The following GGACT variants were observed in gnomAD, a reference collection of about 807,000 sequenced individuals.
The protein encoded by GGACT is gamma-glutamylamine cyclotransferase.
For synonymous variants in GGACT, 118 were observed against 115.3 expected, an observed-to-expected ratio of 1.02 and a Z score of -0.15; for missense variants, 241 against 233.2, an observed-to-expected ratio of 1.03 and a Z score of -0.22.
At chr13:100,572,740 T>C (rs76964883) in intron 2 of GGACT, among the ~76,000 whole-genome samples, 39 of 152,216 alleles carry the variant, frequency 2.6e-4, no homozygotes, top group Non-Finnish European at 3.4e-4. Flanking sequence ...ATAAAAAACA[T>C]TTTTCAGATG....
rs1221393731 is a variant in GGACT, at chr13:100,534,289, C to T, written c.-10-1688G>A. ...ACACAAGGCTAGCCAGATACGTGCGCCCTGTGGGCCTGGCCATGTGATAGC... is the reference window on the plus strand; with the variant it reads ...ACACAAGGCTAGCCAGATACGTGCGTCCTGTGGGCCTGGCCATGTGATAGC... On this transcript the variant is annotated intron_variant, in intron 2 of 2. Coordinates refer to ENST00000683975, the MANE Select transcript of GGACT (RefSeq NM_001195087.2). The surrounding 1 kb of genome is among the most constrained non-coding windows in gnomAD (Gnocchi z 4.9). Among the ~76,000 whole-genome samples the T allele has an allele frequency of 6.6e-6, 1 of 152,202 alleles. No individual in the cohort carries two copies. Among genetic ancestry groups the T allele is most frequent in the African/African-American group, 2.4e-5 (1 of 41,448 alleles).
intron 2 of GGACT, among the ~76,000 whole-genome samples, chr13:100,577,034 T>C (rs1227849850): frequency 6.6e-6 from 1 of 152,206 alleles, no homozygotes; most frequent in South Asian, 2.1e-4. Context: ...TACAAAATTA[T>C]TTTTAAAAGA....
chr13:100,586,524 C>A (rs1027299111), intron 1 of GGACT, among the ~76,000 whole-genome samples: 2 of 150,502 alleles, frequency 1.3e-5, no homozygotes, highest in Admixed American at 1.3e-4. Context: ...AGCCTCAGCA[C>A]GCCAGTTGTT....
chr13:100,574,613 T>C (rs1284120945), intron 2 of GGACT, among the ~76,000 whole-genome samples: 1 of 152,008 alleles, frequency 6.6e-6, no homozygotes, highest in African/African-American at 2.4e-5. Context: ...TTCTCACTTA[T>C]AAATGGGAGC....
chr13:100,544,094 T>C (rs1016491763), intron 2 of GGACT, among the ~76,000 whole-genome samples: 1 of 152,234 alleles, frequency 6.6e-6, no homozygotes, highest in African/African-American at 2.4e-5. Context: ...GTTGTGCACG[T>C]TTCCCCTAGA....
chr13:100,538,859 A>C (rs1566529237), intron 2 of GGACT: 1 of 152,232 alleles, frequency 6.6e-6, no homozygotes, highest in Non-Finnish European at 1.5e-5. Flanking sequence ...TGAACATGGG[A>C]TGTCTTTCCA....
At chr13:100,575,873 C>G (rs541927997) in intron 2 of GGACT, among the ~76,000 whole-genome samples, 1 of 152,142 alleles carries the variant, frequency 6.6e-6, no homozygotes, top group South Asian at 2.1e-4. Flanking sequence ...ATTCATCGAC[C>G]GATCCAATCT....
chr13:100,555,942 G>C (rs1424070008), intron 2 of GGACT, among the ~76,000 whole-genome samples: 1 of 152,146 alleles, frequency 6.6e-6, no homozygotes, highest in African/African-American at 2.4e-5. Context: ...GCAAATTTGA[G>C]ATAAAAATTC....
chr13:100,579,913 C>G (rs955460715), intron 2 of GGACT: 1 of 152,126 alleles, frequency 6.6e-6, no homozygotes, highest in Non-Finnish European at 1.5e-5. Flanking sequence ...CCCTTTCTGC[C>G]CCTACAGAGT....
At chr13:100,561,758 T>C (rs1319769175) in intron 2 of GGACT, among the ~76,000 whole-genome samples, 2 of 152,176 alleles carry the variant, frequency 1.3e-5, no homozygotes, top group Non-Finnish European at 2.9e-5. Context: ...GAGGTGCTGC[T>C]CAGTGGGGGG....
In GGACT at chr13:100,532,144, G is replaced by C. The variant is rs2088402505; in HGVS notation, c.448C>G (p.Arg150Gly). Residue 150 changes from arginine to glycine, a missense_variant, in exon 3 of 3, where the codon CGG becomes GGG. Transcript: ENST00000683975. Reference protein sequence around the residue: ...EGPHGLRYNPRENR With the variant: ...EGPHGLRYNPGENR Reference sequence around the variant, plus strand: ...GCCCGTCCCCCTTATCTGTTCTCCCGGGGGTTGTAGCGCAGCCCGTGCGGC... The same window carrying C: ...GCCCGTCCCCCTTATCTGTTCTCCCCGGGGTTGTAGCGCAGCCCGTGCGGC... 1.0e-5 allele frequency: 15 copies of C among 1,449,750 alleles called. 1 individual carries two copies. The highest frequency in any genetic ancestry group is 1.4e-5 in the African/African-American group (1 of 69,722). 89.8% of individuals were successfully genotyped at this position (1,449,750 alleles called of 1,614,324 possible). A position where few individuals can be genotyped will look rare whatever the true frequency, so the allele number is the denominator to read the frequency against.
intron 2 of GGACT, among the ~76,000 whole-genome samples, chr13:100,580,670 G>A (rs1875387460): frequency 6.6e-6 from 1 of 152,210 alleles, no homozygotes; most frequent in African/African-American, 2.4e-5. Context: ...CCTTGGCTTA[G>A]GCAGAATAAA....
chr13:100,539,897 C>G lies in GGACT; in HGVS notation c.-10-7296G>C, dbSNP rs1446912382. 3 of 1,208,664 alleles carry G rather than the reference C, an allele frequency of 2.5e-6. No individual in the cohort carries two copies. The African/African-American group carries it at 4.6e-5, about 18-fold the overall frequency. The allele number at this position is 1,208,664 out of a possible 1,614,324, so 74.9% of individuals were successfully genotyped here. A position where few individuals can be genotyped will look rare whatever the true frequency, so the allele number is the denominator to read the frequency against. On this transcript the variant is annotated intron_variant, in intron 2 of 2. Transcript: ENST00000683975. ...CTGTCTTCAGTCTTTAAGAACTCAG[C>G]TCCTTACATGGGCTTTGGTGGGGGA... is the stretch of plus-strand genomic sequence containing the variant.
chr13:100,552,695 C>T (rs1230791562), intron 2 of GGACT, among the ~76,000 whole-genome samples: 3 of 152,216 alleles, frequency 2.0e-5, no homozygotes, highest in Non-Finnish European at 4.4e-5. Flanking sequence ...GTGCTCAGGA[C>T]GTCCAGGCTG....
intron 2 of GGACT, among the ~76,000 whole-genome samples, chr13:100,556,756 A>T (rs1015043553): frequency 7.2e-5 from 11 of 152,230 alleles, no homozygotes; most frequent in Non-Finnish European, 1.3e-4. Context: ...GTATCAAAGC[A>T]TCTCATGTAA....
chr13:100,547,358 C>G, intron 2 of GGACT, among the ~76,000 whole-genome samples: 1 of 152,340 alleles, frequency 6.6e-6, no homozygotes, highest in East Asian at 1.9e-4. Context: ...GATGGAAATG[C>G]TCCTTATACT....
At chr13:100,547,450 T>G (rs1052490283) in intron 2 of GGACT, among the ~76,000 whole-genome samples, 4 of 152,226 alleles carry the variant, frequency 2.6e-5, no homozygotes, top group Non-Finnish European at 4.4e-5. Context: ...TTTTGTTGTA[T>G]GTAAATTATA....
rs2088461066 is a variant in GGACT at position 100,534,427 on chromosome 13, G to C, written c.-10-1826C>G. Among the ~76,000 whole-genome samples the C allele has an allele frequency of 6.6e-6, 1 of 152,140 alleles. No homozygotes were observed. The highest frequency in any genetic ancestry group is 6.5e-5 in the Admixed American group (1 of 15,274). On this transcript the variant is annotated intron_variant, in intron 2 of 2. Coordinates refer to ENST00000683975, the MANE Select transcript of GGACT (RefSeq NM_001195087.2). The surrounding 1 kb of genome is among the most constrained non-coding windows in gnomAD (Gnocchi z 4.9). ...CCTGGGGTAGGACGGTACTGAGGAA[G>C]AGAAGAGGCAAGTGCTCAGGCCTAA...
intron 2 of GGACT, among the ~76,000 whole-genome samples, chr13:100,553,234 T>C (rs1018445704): frequency 6.6e-6 from 1 of 152,142 alleles, no homozygotes; most frequent in Non-Finnish European, 1.5e-5. Flanking sequence ...GTGGCAGTTT[T>C]AGGAAAGCTG....
Sources: gnomAD v4.1 joint callset for allele counts (sites outside exome capture counted in the v4.1 genomes callset) on GRCh38, gnomAD v4.1.1 for gene constraint, Gnocchi (gnomAD v3.1) non-coding constraint, MANE v1.5 for transcripts, NCBI Gene and HGNC (gene_info 2026-07-23, HGNC 2026-07-21) for gene names.